Variants in CSMD1 observed in about 807,000 individuals in gnomAD.
CSMD1 encodes the protein CUB and sushi domain-containing protein 1.
A neutral mutation model predicts 417.5 loss-of-function variants in CSMD1; 213 were observed. The ratio of observed to expected loss-of-function variants is 0.51; its 90% CI spans 0.46 to 0.57. CSMD1 has a LOEUF of 0.57. Among genes scored for constraint, CSMD1 ranks in the 20% least tolerant of loss-of-function variants. CSMD1 has a pLI of 0.00. For synonymous variants in CSMD1, 2,862 were observed against 1,736.8 expected, an observed-to-expected ratio of 1.65 and a Z score of -16.11; for missense variants, 6,923 against 4,529.7, an observed-to-expected ratio of 1.53 and a Z score of -15.17.
At chr8:4,588,376 GAGATAAAGA>G (rs1799810194) in intron 2 of CSMD1, among the ~76,000 whole-genome samples, 1 of 61,794 alleles carries the variant, frequency 1.6e-5, no homozygotes, top group African/African-American at 5.5e-5. Flanking sequence ...TCTAGAGACA[GAGATAAAGA>G]ACTATCTCAT....
At chr8:4,316,670 A>C (rs926231586) in intron 3 of CSMD1, among the ~76,000 whole-genome samples, 2 of 152,118 alleles carry the variant, frequency 1.3e-5, no homozygotes, top group Non-Finnish European at 2.9e-5. Flanking sequence ...GAAGGACTCA[A>C]ATGCAAACTA....
chr8:3,961,799 A>G (rs762699812), intron 5 of CSMD1, among the ~76,000 whole-genome samples: 1 of 152,190 alleles, frequency 6.6e-6, no homozygotes, highest in African/African-American at 2.4e-5. Context: ...TGGGTTTTTA[A>G]TATTTCCCGC....
intron 1 of CSMD1, among the ~76,000 whole-genome samples, chr8:4,792,426 G>C (rs571366271): frequency 2.0e-5 from 3 of 152,094 alleles, no homozygotes; most frequent in Non-Finnish European, 2.9e-5. Context: ...TTCAGCAGTG[G>C]TACAGCCAAT....
At chr8:3,859,514 G>A (rs754060797) in intron 5 of CSMD1, among the ~76,000 whole-genome samples, 2 of 152,154 alleles carry the variant, frequency 1.3e-5, no homozygotes, top group Non-Finnish European at 2.9e-5. Flanking sequence ...TTTACAGCAG[G>A]AGCTGGCCAC....
intron 23 of CSMD1, among the ~76,000 whole-genome samples, chr8:3,312,243 A>C (rs1805408327): frequency 6.6e-6 from 1 of 152,178 alleles, no homozygotes; most frequent in Admixed American, 6.5e-5. Flanking sequence ...CTTAAACTAC[A>C]CCTTGTCATA....
At chr8:3,770,914 T>G (rs1451930607) in intron 5 of CSMD1, among the ~76,000 whole-genome samples, 1 of 152,224 alleles carries the variant, frequency 6.6e-6, no homozygotes, top group African/African-American at 2.4e-5. Context: ...ATTAATCATT[T>G]TCAGATAGCT....
chr8:4,145,694 C>T (rs1519177), intron 3 of CSMD1, among the ~76,000 whole-genome samples: 30,184 of 150,694 alleles, frequency 0.2, 3,587 homozygotes, highest in East Asian at 0.3. Flanking sequence ...TGGCCACATT[C>T]CGCATTTCTT....
chr8:3,213,726 T>A (rs527768496), intron 30 of CSMD1, among the ~76,000 whole-genome samples: 1 of 150,774 alleles, frequency 6.6e-6, no homozygotes, highest in South Asian at 2.1e-4. Context: ...TTAAAATATA[T>A]ATGTATATAT....
intron 3 of CSMD1, among the ~76,000 whole-genome samples, chr8:4,070,756 C>A (rs557305066): frequency 1.3e-5 from 2 of 152,164 alleles, no homozygotes; most frequent in Admixed American, 1.3e-4. Flanking sequence ...TCCTCCACCA[C>A]GAGCCTGTCA....
chr8:3,272,217 G>C (rs1016860137), intron 26 of CSMD1, among the ~76,000 whole-genome samples: 5 of 146,976 alleles, frequency 3.4e-5, no homozygotes, highest in Non-Finnish European at 7.5e-5. Context: ...TTTTACTCAG[G>C]TTTGTCAAAG....
intron 1 of CSMD1, among the ~76,000 whole-genome samples, chr8:4,817,955 T>C (rs1799300524): frequency 6.6e-6 from 1 of 152,160 alleles, no homozygotes. Context: ...TACCCTAGCA[T>C]TAGGTACAGT....
intron 6 of CSMD1, among the ~76,000 whole-genome samples, chr8:3,745,631 C>G (rs1389417937): frequency 2.0e-5 from 3 of 152,202 alleles, no homozygotes; most frequent in African/African-American, 7.2e-5. Flanking sequence ...CACTGAGACT[C>G]TGAAGCATTT....
chr8:4,129,532 A>G (rs954846824), intron 3 of CSMD1, among the ~76,000 whole-genome samples: 1 of 152,108 alleles, frequency 6.6e-6, no homozygotes, highest in Non-Finnish European at 1.5e-5. Context: ...TAGGAATCCG[A>G]TTTTGAGATT....
rs959288749 is a variant in CSMD1 at position 4,906,657 on chromosome 8, A to G, written c.85+87675T>C. ...GTGCAACCTCCAACTCCGGGGTTCA[A>G]GCAATTCTCCTGCCTCAGTCTCCCG... On this transcript the variant is annotated intron_variant, in intron 1 of 69. Transcript: ENST00000635120. Among the ~76,000 whole-genome samples the G allele has an allele frequency of 3.3e-5, 5 of 152,046 alleles. No homozygotes were observed. The East Asian group carries it at 9.6e-4, about 29-fold the overall frequency.
intron 3 of CSMD1, among the ~76,000 whole-genome samples, chr8:4,232,190 A>T (rs1801776967): frequency 6.6e-6 from 1 of 152,002 alleles, no homozygotes; most frequent in Non-Finnish European, 1.5e-5. Context: ...CTTGTCCTTT[A>T]TTTATTTGTT....
At chr8:3,987,571 C>T (rs1176643119) in intron 5 of CSMD1, among the ~76,000 whole-genome samples, 1 of 152,152 alleles carries the variant, frequency 6.6e-6, no homozygotes. Context: ...GGGAGGAACA[C>T]CATTTTTAAT....
chr8:4,070,552 T>G (rs1585248867), intron 3 of CSMD1, among the ~76,000 whole-genome samples: 1 of 152,160 alleles, frequency 6.6e-6, no homozygotes. Flanking sequence ...AGAGACGGGG[T>G]TTCACCGTGT....
At chr8:4,497,354 G>A (rs898871325) in intron 2 of CSMD1, among the ~76,000 whole-genome samples, 8 of 152,218 alleles carry the variant, frequency 5.3e-5, no homozygotes, top group African/African-American at 1.9e-4. Flanking sequence ...ATAGCCACTG[G>A]CCTGGCACTA....
chr8:4,899,854 T>C (rs116159115), intron 1 of CSMD1, among the ~76,000 whole-genome samples: 1,982 of 152,314 alleles, frequency 0.013, 30 homozygotes, highest in African/African-American at 0.043. Context: ...GATAGCTTTT[T>C]CTCTGGTGTC....
Sources: gnomAD v4.1 joint callset for allele counts (sites outside exome capture counted in the v4.1 genomes callset) on GRCh38, gnomAD v4.1.1 for gene constraint, MANE v1.5 for transcripts, NCBI Gene and HGNC (gene_info 2026-07-23, HGNC 2026-07-21) for gene names.